Variants in FLACC1 observed in about 807,000 individuals in gnomAD.
FLACC1 encodes the protein flagellum-associated coiled-coil domain-containing protein 1.
FLACC1 carries 66 observed loss-of-function variants against 62.8 expected under a neutral mutation model. That is an observed-to-expected ratio of 1.05 (90% CI 0.86 to 1.29). The LOEUF (loss-of-function observed/expected upper bound fraction) is 1.29. Among genes scored for constraint, FLACC1 ranks in the 50% most tolerant of loss-of-function variants. The pLI, the probability that FLACC1 is intolerant of heterozygous loss-of-function variation, is 0.00. For missense variants in FLACC1, 452 were observed against 489.1 expected (o/e 0.92, Z 0.71); for synonymous variants, 156 against 161.0 (o/e 0.97, Z 0.24).
chr2:201,360,297 A>G (rs1213102856), upstream of FLACC1, among the ~76,000 whole-genome samples: 1 of 152,242 alleles, frequency 6.6e-6, no homozygotes, highest in South Asian at 2.1e-4. Context: ...AAAACAAAGT[A>G]TAAGTTGAAA....
intron 7 of FLACC1, among the ~76,000 whole-genome samples, chr2:201,333,579 A>G (rs1393894661): frequency 9.8e-6 from 1 of 101,936 alleles, no homozygotes; most frequent in African/African-American, 3.9e-5. Flanking sequence ...AACAGTCCCC[A>G]GAGTGTGATG....
intron 7 of FLACC1, among the ~76,000 whole-genome samples, chr2:201,334,673 C>A (rs1226699881): frequency 6.6e-6 from 1 of 151,738 alleles, no homozygotes; most frequent in Non-Finnish European, 1.5e-5. Context: ...ATCCCAGCTA[C>A]TCAGGAGGCT....
chr2:201,330,563 G>C (rs751675226), intron 8 of FLACC1, 41 bp from the exon 9 acceptor site: 1 of 1,597,106 alleles, frequency 6.3e-7, no homozygotes, highest in African/African-American at 1.3e-5. Flanking sequence ...TTAGTCTTCT[G>C]ATATGCACAT....
At chr2:201,306,592 A>C (rs1056650598) in intron 11 of FLACC1, among the ~76,000 whole-genome samples, 5 of 152,248 alleles carry the variant, frequency 3.3e-5, no homozygotes, top group African/African-American at 4.8e-5. Flanking sequence ...CTTCTAAAAA[A>C]TAGAATATCT....
In FLACC1 at chr2:201,343,530, G is replaced by A. The variant is rs1950852242; in HGVS notation, c.462+640C>T. Reference sequence around the variant, plus strand: ...ATCTGGGGCATATCAGAGGGTGAGAGGCTGCCTTCTGGGAAGTAAAACTTC... The same window carrying A: ...ATCTGGGGCATATCAGAGGGTGAGAAGCTGCCTTCTGGGAAGTAAAACTTC... On this transcript the variant is annotated intron_variant, in intron 6 of 14. Transcript: ENST00000392257. Among the ~76,000 whole-genome samples the A allele has an allele frequency of 2.0e-5, 3 of 152,276 alleles. No homozygotes were observed. In the South Asian group the frequency reaches 6.2e-4, roughly 32 times the overall value.
intron 9 of FLACC1, among the ~76,000 whole-genome samples, chr2:201,315,220 A>C (rs557585064): frequency 6.6e-6 from 1 of 152,356 alleles, no homozygotes; most frequent in Admixed American, 6.5e-5. Flanking sequence ...ACTAACATTG[A>C]ATATAAATGG....
chr2:201,322,007 G>A (rs1950412182), intron 9 of FLACC1, among the ~76,000 whole-genome samples: 1 of 152,190 alleles, frequency 6.6e-6, no homozygotes, highest in African/African-American at 2.4e-5. Context: ...AGTGGCTCAT[G>A]CCTGTAATCC....
chr2:201,363,106 G>T, the FLACC1 span, among the ~76,000 whole-genome samples: 1 of 152,154 alleles, frequency 6.6e-6, no homozygotes, highest in African/African-American at 2.4e-5. Flanking sequence ...AGAAATCCAG[G>T]CATTTGGAGC....
chr2:201,313,908 A>G (rs769451789), intron 9 of FLACC1, among the ~76,000 whole-genome samples: 2 of 152,296 alleles, frequency 1.3e-5, no homozygotes, highest in Admixed American at 6.5e-5. Context: ...ACAACCCCCA[A>G]TACCAGCCTG....
intron 9 of FLACC1, among the ~76,000 whole-genome samples, chr2:201,323,378 G>A (rs1407433588): frequency 6.6e-6 from 1 of 152,174 alleles, no homozygotes. Flanking sequence ...AAACCTATCT[G>A]AATAACAGCA....
chr2:201,358,456 A>G (rs1030992303), upstream of FLACC1, among the ~76,000 whole-genome samples: 3 of 133,410 alleles, frequency 2.2e-5, no homozygotes, highest in East Asian at 2.1e-4. Context: ...TCGCTCTGTC[A>G]CCCAGGCTGG....
At chr2:201,335,986 T>C (rs1007751918) in intron 7 of FLACC1, among the ~76,000 whole-genome samples, 7 of 152,212 alleles carry the variant, frequency 4.6e-5, no homozygotes, top group Admixed American at 2.0e-4. Context: ...ATAGAAATAC[T>C]ACTAATTTTT....
intron 1 of FLACC1, among the ~76,000 whole-genome samples, chr2:201,352,654 T>C (rs1951049167): frequency 6.6e-6 from 1 of 152,160 alleles, no homozygotes; most frequent in African/African-American, 2.4e-5. Context: ...GGTGCAGGAC[T>C]TGGAACTGGT....
chr2:201,343,436 CGGAGGAG>C (rs1950850320), intron 6 of FLACC1, among the ~76,000 whole-genome samples: 1 of 152,044 alleles, frequency 6.6e-6, no homozygotes, highest in Admixed American at 6.5e-5. Flanking sequence ...AGTTGGCAGG[CGGAGGAG>C]GGTGGTCTCA....
chr2:201,326,100 T>C lies in FLACC1; in HGVS notation c.675+4370A>G, dbSNP rs1376585271. ...CATCTCAATAGATTCAGAAAAAGCA[T>C]TTAATAAAATCCAGCATCCTTCATA... On this transcript the variant is annotated intron_variant, in intron 9 of 14. Transcript: ENST00000392257. This position sits in a 1 kb window ranked among gnomAD's most constrained non-coding sequence, Gnocchi z 4.1. 1.3e-5 allele frequency among the ~76,000 whole-genome samples: 2 copies of C among 152,152 alleles called. No homozygotes were observed. Among genetic ancestry groups the C allele is most frequent in the African/African-American group, 4.8e-5 (2 of 41,428 alleles).
chr2:201,317,056 A>G (rs1212147555), intron 9 of FLACC1, among the ~76,000 whole-genome samples: 1 of 152,220 alleles, frequency 6.6e-6, no homozygotes, highest in African/African-American at 2.4e-5. Flanking sequence ...CCTCAATGTA[A>G]TAAAAGCCAT....
At chr2:201,289,848 A>C (rs754148807) in intron 12 of FLACC1, 63 bp from the exon 13 acceptor site, 5 of 1,612,720 alleles carry the variant, frequency 3.1e-6, no homozygotes, top group Non-Finnish European at 4.2e-6. Context: ...TCTCTTCTCC[A>C]GGGCACCTGG....
intron 11 of FLACC1, among the ~76,000 whole-genome samples, chr2:201,303,387 T>C (rs527316770): frequency 1.3e-5 from 2 of 152,278 alleles, no homozygotes; most frequent in Non-Finnish European, 2.9e-5. Context: ...CAGGAAGAAG[T>C]TGAATCCGTG....
chr2:201,302,950 T>A (rs993026489), intron 11 of FLACC1, among the ~76,000 whole-genome samples: 1 of 152,224 alleles, frequency 6.6e-6, no homozygotes, highest in African/African-American at 2.4e-5. Flanking sequence ...GGGAAATTTA[T>A]AGCACTAAAT....
Sources: allele counts gnomAD v4.1 joint callset (sites outside exome capture counted in the v4.1 genomes callset), GRCh38; gene constraint gnomAD v4.1.1; non-coding constraint Gnocchi (gnomAD v3.1); transcripts MANE v1.5; gene names NCBI Gene and HGNC (gene_info 2026-07-23, HGNC 2026-07-21).